ITCH: variants seen among roughly 807,000 people sequenced by gnomAD.
The protein encoded by ITCH is itchy E3 ubiquitin protein ligase.
Under a neutral mutation model 126.8 loss-of-function variants are expected in ITCH, and 28 were observed. That is an observed-to-expected ratio of 0.22 (90% CI 0.16 to 0.30). The LOEUF (loss-of-function observed/expected upper bound fraction) is 0.30. Ranked by LOEUF, ITCH falls within the 10% of genes least tolerant of loss-of-function variation. The probability of loss-of-function intolerance (pLI) is 1.00; values close to 1 mark genes in which losing one functional copy is unlikely to be tolerated. For synonymous variants in ITCH, 342 were observed against 340.0 expected, an observed-to-expected ratio of 1.01 and a Z score of -0.06; for missense variants, 631 against 1,032.4, an observed-to-expected ratio of 0.61 and a Z score of 5.33.
chr20:34,501,835 TAA>T (rs1990268279), intron 23 of ITCH, among the ~76,000 whole-genome samples: 1 of 144,280 alleles, frequency 6.9e-6, no homozygotes, highest in South Asian at 2.2e-4. Context: ...ATGAGAAAGA[TAA>T]ATAATAGACT....
intron 12 of ITCH, among the ~76,000 whole-genome samples, chr20:34,453,636 G>A (rs1985519205): frequency 1.3e-5 from 2 of 152,104 alleles, no homozygotes; most frequent in South Asian, 4.1e-4. Context: ...TATGTGCTCA[G>A]CTATATACTT....
chr20:34,366,870 G>A (rs2037440896), intron 1 of ITCH, among the ~76,000 whole-genome samples: 1 of 152,116 alleles, frequency 6.6e-6, no homozygotes, highest in South Asian at 2.1e-4. Context: ...TGAGGGACTA[G>A]CTATTGCAGA....
In ITCH at chr20:34,393,864, C is replaced by T. The variant is rs930283902; in HGVS notation, c.53C>T (p.Ser18Leu). 1 of 1,613,772 alleles carries T rather than the reference C, an allele frequency of 6.2e-7. No individual in the cohort carries two copies. Among genetic ancestry groups the T allele is most frequent in the Non-Finnish European group, 8.5e-7 (1 of 1,179,696 alleles). ...TCAATGGGTAGCCTCACCATGAAAT[C>T]ACAGCTTCAGATCACTGGTAAGTTT... The part of the protein sequence containing the change: ...LGSMGSLTMK[S>L]QLQITVISAK... Residue 18 changes from serine (S) to leucine (L), a missense_variant, in exon 3 of 25, where the codon TCA becomes TTA. By Grantham distance (145) the Ser-to-Leu change is moderately radical. This residue lies in a region of ITCH where 2 missense variants were observed against 17.6 expected (regional missense o/e 0.11). Coordinates refer to ENST00000374864, the MANE Select transcript of ITCH (RefSeq NM_031483.7).
chr20:34,463,919 A>G (rs1181046327), intron 14 of ITCH, among the ~76,000 whole-genome samples: 1 of 151,806 alleles, frequency 6.6e-6, no homozygotes, highest in Non-Finnish European at 1.5e-5. Context: ...TACTGTAGAT[A>G]GTGCCCTTTG....
intron 2 of ITCH, among the ~76,000 whole-genome samples, chr20:34,386,545 G>C (rs766708801): frequency 2.0e-5 from 3 of 152,106 alleles, no homozygotes; most frequent in Non-Finnish European, 4.4e-5. Context: ...TTAGCTCTTT[G>C]AACTCTGGAC....
intron 7 of ITCH, among the ~76,000 whole-genome samples, chr20:34,434,450 A>G (rs1243916098): frequency 1.3e-5 from 2 of 152,268 alleles, no homozygotes; most frequent in Admixed American, 1.3e-4. Context: ...ATATTTGTAG[A>G]GTAAGACAAA....
intron 3 of ITCH, among the ~76,000 whole-genome samples, chr20:34,404,683 G>A (rs1601820443): frequency 6.6e-6 from 1 of 152,078 alleles, no homozygotes; most frequent in Non-Finnish European, 1.5e-5. Context: ...AAAGTGCTGG[G>A]ATTACAGGTG....
intron 4 of ITCH, 77 bp downstream of exon 4, chr20:34,408,869 C>T: frequency 6.8e-7 from 1 of 1,473,750 alleles, no homozygotes; most frequent in African/African-American, 1.4e-5. Context: ...AAATGTTTCT[C>T]ACTTTGGTTT....
At chr20:34,416,493 AT>A (rs1008134580) in intron 6 of ITCH, among the ~76,000 whole-genome samples, 1 of 152,116 alleles carries the variant, frequency 6.6e-6, no homozygotes. Context: ...AAAATACCTC[AT>A]TTTTTTAGCT....
intron 12 of ITCH, among the ~76,000 whole-genome samples, chr20:34,451,268 C>T (rs1158804266): frequency 1.4e-5 from 2 of 146,888 alleles, no homozygotes; most frequent in African/African-American, 2.5e-5. Context: ...CCAGCATAGG[C>T]GACAGAGCGA....
At chr20:34,385,795 G>A (rs1473522162) in intron 2 of ITCH, among the ~76,000 whole-genome samples, 1 of 152,044 alleles carries the variant, frequency 6.6e-6, no homozygotes, top group Non-Finnish European at 1.5e-5. Flanking sequence ...GTTGGAAAGT[G>A]GGAAAGGAGC....
intron 11 of ITCH, among the ~76,000 whole-genome samples, chr20:34,447,132 C>T (rs947203495): frequency 2.0e-5 from 3 of 151,482 alleles, no homozygotes; most frequent in Non-Finnish European, 4.4e-5. Context: ...TGTGTTTTGA[C>T]TACTGTAATC....
At chr20:34,446,493 G>T (rs1040040332) in intron 11 of ITCH, among the ~76,000 whole-genome samples, 20 of 151,830 alleles carry the variant, frequency 1.3e-4, no homozygotes, top group African/African-American at 4.6e-4. Flanking sequence ...TTGTTCCTTG[G>T]TTATGACTCA....
intron 9 of ITCH, chr20:34,441,939 C>G: frequency 2.3e-6 from 1 of 434,342 alleles, no homozygotes; most frequent in South Asian, 2.1e-5. Flanking sequence ...ACTTCGGTAT[C>G]CTAGGTAGAC....
At chr20:34,453,369 T>TG (rs1205826078) in intron 12 of ITCH, among the ~76,000 whole-genome samples, 1 of 152,202 alleles carries the variant, frequency 6.6e-6, no homozygotes, top group African/African-American at 2.4e-5. Context: ...CCCAGTACTT[T>TG]GGGAGGCCAA....
At chr20:34,405,642 T>G (rs951887791) in intron 3 of ITCH, among the ~76,000 whole-genome samples, 2 of 152,068 alleles carry the variant, frequency 1.3e-5, no homozygotes, top group Non-Finnish European at 2.9e-5. Context: ...ATATAATGAG[T>G]GTATGTATAA....
intron 23 of ITCH, among the ~76,000 whole-genome samples, chr20:34,494,545 T>A (rs1989730400): frequency 6.6e-6 from 1 of 152,246 alleles, no homozygotes; most frequent in African/African-American, 2.4e-5. Context: ...GTACAGTTTT[T>A]ATTTTGATAC....
chr20:34,490,060 T>C (rs1369763804), intron 22 of ITCH, 134 bp downstream of exon 22: 12 of 691,846 alleles, frequency 1.7e-5, no homozygotes, highest in Non-Finnish European at 3.1e-5. Context: ...TTATAATAAA[T>C]GAATACAGAT....
chr20:34,420,330 A>G (rs981104218), intron 6 of ITCH, among the ~76,000 whole-genome samples: 1 of 152,200 alleles, frequency 6.6e-6, no homozygotes, highest in Admixed American at 6.5e-5. Context: ...AAAAGGAATC[A>G]TGTGACTTTT....
Sources: gnomAD v4.1 joint callset for allele counts (sites outside exome capture counted in the v4.1 genomes callset) on GRCh38, gnomAD v4.1.1 for gene constraint, gnomAD v4.1.1 regional missense constraint, MANE v1.5 for transcripts, NCBI Gene and HGNC (gene_info 2026-07-23, HGNC 2026-07-21) for gene names.